FRAS1: variants seen among roughly 807,000 people sequenced by gnomAD.
The protein encoded by FRAS1 is Fraser extracellular matrix complex subunit 1, also known as extracellular matrix organizing protein FRAS1.
In FRAS1, 290 loss-of-function variants were observed where a neutral mutation model predicts 435.2. The observed-to-expected ratio is 0.67, with a 90% CI of 0.61 to 0.73. FRAS1 has a LOEUF of 0.73. Ranked by LOEUF, FRAS1 falls within the 30% of genes least tolerant of loss-of-function variation. The pLI, the probability that FRAS1 is intolerant of heterozygous loss-of-function variation, is 0.00. For missense variants in FRAS1, 4,860 were observed against 5,001.5 expected, an observed-to-expected ratio of 0.97 and a Z score of 0.85; for synonymous variants, 1,800 against 1,851.0, an observed-to-expected ratio of 0.97 and a Z score of 0.71.
intron 2 of FRAS1, among the ~76,000 whole-genome samples, chr4:78,129,438 T>C (rs1335959813): frequency 6.6e-6 from 1 of 152,126 alleles, no homozygotes; most frequent in Admixed American, 6.5e-5. Flanking sequence ...ATTGGGTATA[T>C]TGTGGTAAAT....
chr4:78,441,609 C>T lies in FRAS1; in HGVS notation c.5665+312C>T, dbSNP rs1056251813. Among the ~76,000 whole-genome samples, 7 of 148,296 alleles carry T rather than the reference C, an allele frequency of 4.7e-5. No individual in the cohort carries two copies. The South Asian group carries it at 6.5e-4, about 14-fold the overall frequency. Reference sequence around the variant, plus strand: ...ACCTAATAAATGAGAAGATTGAGTACGATGTTAGAAGGTGAATAAATATTA... The same window carrying T: ...ACCTAATAAATGAGAAGATTGAGTATGATGTTAGAAGGTGAATAAATATTA... On this transcript the variant is annotated intron_variant, in intron 41 of 73. Transcript: ENST00000512123.
At chr4:78,369,363 T>C (rs1408676394) in intron 22 of FRAS1, among the ~76,000 whole-genome samples, 1 of 152,164 alleles carries the variant, frequency 6.6e-6, no homozygotes, top group African/African-American at 2.4e-5. Context: ...ACTAGGCAAA[T>C]CAATAAACCA....
Position 78,159,342 on chromosome 4 carries a change from A to G in FRAS1, c.109-78168A>G, listed in dbSNP as rs554569745. 5.9e-5 allele frequency among the ~76,000 whole-genome samples: 9 copies of G among 152,274 alleles called. No homozygotes were observed. The East Asian group carries it at 1.7e-3, about 29-fold the overall frequency. On this transcript the variant is annotated intron_variant, in intron 2 of 73. Coordinates refer to ENST00000512123, the MANE Select transcript of FRAS1 (RefSeq NM_025074.7). Reference sequence around the variant, plus strand: ...AAAAGTGGGATGGTGTGGATACAAGAGTGAGTATTTCTGGAGTAAGAACAT... The same window carrying G: ...AAAAGTGGGATGGTGTGGATACAAGGGTGAGTATTTCTGGAGTAAGAACAT...
At chr4:78,332,695 T>C (rs1729992824) in intron 18 of FRAS1, among the ~76,000 whole-genome samples, 1 of 143,264 alleles carries the variant, frequency 7.0e-6, no homozygotes, top group South Asian at 2.2e-4. Flanking sequence ...GCTGTGATGC[T>C]CTTATTCTCT....
At chr4:78,271,921 C>A (rs1162385124) in intron 9 of FRAS1, among the ~76,000 whole-genome samples, 42 of 152,230 alleles carry the variant, frequency 2.8e-4, no homozygotes, top group East Asian at 1.5e-3. Context: ...ACTAGTTTAC[C>A]GTCCCACCAA....
rs759064810 is a variant in FRAS1, at chr4:78,057,966, G to A, written c.-44G>A. 1 of 1,591,376 alleles carries A rather than the reference G, an allele frequency of 6.3e-7. No individual in the cohort carries two copies. Among genetic ancestry groups the A allele is most frequent in the Admixed American group, 1.7e-5 (1 of 59,504 alleles). ...AGCGTTTTGGCGGAGCCGCTTCTTG[G>A]ATGCTGAAGGCTGGGCTCCTCCATC... On this transcript the variant is annotated 5_prime_UTR_variant, in exon 1 of 74. Transcript: ENST00000512123. This position sits in a 1 kb window ranked among gnomAD's most constrained non-coding sequence, Gnocchi z 4.2.
intron 30 of FRAS1, among the ~76,000 whole-genome samples, chr4:78,404,374 T>C (rs550577822): frequency 6.6e-6 from 1 of 150,966 alleles, no homozygotes; most frequent in South Asian, 2.1e-4. Flanking sequence ...CTTTTTGTTG[T>C]CATATTACGA....
chr4:78,175,735 A>G (rs909614154), intron 2 of FRAS1, among the ~76,000 whole-genome samples: 5 of 152,146 alleles, frequency 3.3e-5, no homozygotes, highest in African/African-American at 1.2e-4. Context: ...ACCTGGCCAG[A>G]TCATGATGCA....
At chr4:78,375,670 A>G (rs905047463) in intron 25 of FRAS1, 69 bp from the exon 26 acceptor site, 25 of 1,390,146 alleles carry the variant, frequency 1.8e-5, no homozygotes, top group Non-Finnish European at 2.4e-5. Flanking sequence ...TTCTGGTTGC[A>G]AGCCCTTTAT....
At position 78,432,639 on chromosome 4, in the gene FRAS1, C is replaced by T. The variant is rs183629011; in HGVS notation, c.5217+35C>T. 119 of 1,523,586 alleles carry T rather than the reference C, an allele frequency of 7.8e-5. 1 individual carries two copies. The highest frequency in any genetic ancestry group is 3.3e-4 in the African/African-American group (24 of 72,884). 94.4% of individuals were successfully genotyped at this position (1,523,586 alleles called of 1,614,324 possible). A position where few individuals can be genotyped will look rare whatever the true frequency, so the allele number is the denominator to read the frequency against. Reference sequence around the variant, plus strand: ...TCCATTTGCTGTGTTTGTTCTCCACCGCCGCATCTTCTGATGGGGCAGACT... The same window carrying T: ...TCCATTTGCTGTGTTTGTTCTCCACTGCCGCATCTTCTGATGGGGCAGACT... On this transcript the variant is annotated intron_variant, in intron 38 of 73. Coordinates refer to ENST00000512123, the MANE Select transcript of FRAS1 (RefSeq NM_025074.7).
intron 56 of FRAS1, among the ~76,000 whole-genome samples, chr4:78,481,111 A>C (rs1471798701): frequency 6.6e-6 from 1 of 152,220 alleles, no homozygotes; most frequent in African/African-American, 2.4e-5. Context: ...ATCTCACAGC[A>C]TGTTGGCTAG....
intron 55 of FRAS1, among the ~76,000 whole-genome samples, chr4:78,478,944 A>T (rs1480687211): frequency 6.6e-6 from 1 of 152,182 alleles, no homozygotes; most frequent in African/African-American, 2.4e-5. Flanking sequence ...TCTCTTTTTA[A>T]ATAAGCCTGT....
intron 2 of FRAS1, among the ~76,000 whole-genome samples, chr4:78,161,328 A>T (rs978393844): frequency 6.6e-6 from 1 of 152,112 alleles, no homozygotes; most frequent in Non-Finnish European, 1.5e-5. Flanking sequence ...TTGTATGACA[A>T]TACATAGAAT....
intron 20 of FRAS1, among the ~76,000 whole-genome samples, chr4:78,358,711 A>G (rs1730960823): frequency 6.6e-6 from 1 of 152,240 alleles, no homozygotes; most frequent in Admixed American, 6.5e-5. Context: ...AGATGCAGAC[A>G]AAGATTTATG....
At chr4:78,116,027 G>A (rs1231732091) in intron 2 of FRAS1, among the ~76,000 whole-genome samples, 2 of 152,128 alleles carry the variant, frequency 1.3e-5, no homozygotes, top group African/African-American at 2.4e-5. Flanking sequence ...CTGGTATGTT[G>A]TGTCTTTGTT....
intron 2 of FRAS1, among the ~76,000 whole-genome samples, chr4:78,088,640 A>G (rs928363737): frequency 6.6e-6 from 1 of 152,224 alleles, no homozygotes; most frequent in African/African-American, 2.4e-5. Flanking sequence ...ACACTTCTCA[A>G]AAGAAGACAT....
chr4:78,183,775 T>TGTGTGTGTGTG (rs55783941), intron 2 of FRAS1, among the ~76,000 whole-genome samples: 11 of 150,588 alleles, frequency 7.3e-5, no homozygotes, highest in Non-Finnish European at 1.0e-4. Context: ...TGTGTGTGTG[T>TGTGTGTGTGTG]TTAAATATAT....
intron 2 of FRAS1, among the ~76,000 whole-genome samples, chr4:78,094,868 C>T (rs1420522966): frequency 6.6e-6 from 1 of 152,036 alleles, no homozygotes; most frequent in Non-Finnish European, 1.5e-5. Flanking sequence ...CCTTGATTTC[C>T]TCATCTGTAA....
rs1443965189 is a variant in FRAS1 at position 78,217,968 on chromosome 4, CCCCTT to C, written c.109-19538_109-19534del. Among the ~76,000 whole-genome samples the C allele has an allele frequency of 5.0e-3, 15 of 2,980 alleles. 5 individuals are homozygous for C. The highest frequency in any genetic ancestry group is 0.011 in the Non-Finnish European group (14 of 1,262). 2.0% of individuals were successfully genotyped at this position (2,980 alleles called of 152,430 possible). A position where few individuals can be genotyped will look rare whatever the true frequency, so the allele number is the denominator to read the frequency against. Reference sequence around the variant, plus strand: ...CCCTTCCCCTCCCCTCTCTTCCCCTCCCCTTCCCCTCCCCTCTCTTCCCCTCCCCT... The same window carrying C: ...CCCTTCCCCTCCCCTCTCTTCCCCTCCCCCTCCCCTCTCTTCCCCTCCCCT... On this transcript the variant is annotated intron_variant, in intron 2 of 73. Coordinates refer to ENST00000512123, the MANE Select transcript of FRAS1 (RefSeq NM_025074.7).
Sources: gnomAD v4.1 joint callset for allele counts (sites outside exome capture counted in the v4.1 genomes callset) on GRCh38, gnomAD v4.1.1 for gene constraint, Gnocchi (gnomAD v3.1) non-coding constraint, MANE v1.5 for transcripts, NCBI Gene and HGNC (gene_info 2026-07-23, HGNC 2026-07-21) for gene names.